STAG1: variants seen among roughly 807,000 people sequenced by gnomAD.
STAG1 encodes STAG1 cohesin complex component.
STAG1 carries 26 observed loss-of-function variants against 170.9 expected under a neutral mutation model. That is an observed-to-expected ratio of 0.15 (90% CI 0.11 to 0.21). The LOEUF is 0.21. STAG1 is among the 10% of genes least tolerant of loss of function. The pLI is 1.00. For missense variants in STAG1, 964 were observed against 1,509.5 expected (o/e 0.64, Z 5.99); for synonymous variants, 514 against 497.7 (o/e 1.03, Z -0.44).
In STAG1 at chr3:136,609,969, A is replaced by T. The variant is rs567777994; in HGVS notation, c.133-5496T>A. ...TTATAGTCCTGAATTTAAAAAAAAA[A>T]TTTTGCATTTTAATGTCTTGGATAT... On this transcript the variant is annotated intron_variant, in intron 3 of 33. Transcript: ENST00000383202. Among the ~76,000 whole-genome samples, 19 of 152,190 alleles carry T rather than the reference A, an allele frequency of 1.2e-4. No homozygotes were observed. In the East Asian group the frequency reaches 1.7e-3, roughly 14 times the overall value.
chr3:136,717,161 T>C (rs1269217906), intron 1 of STAG1, among the ~76,000 whole-genome samples: 1 of 149,802 alleles, frequency 6.7e-6, no homozygotes, highest in Non-Finnish European at 1.5e-5. Flanking sequence ...CAACACCTAT[T>C]CCCACCACCA....
intron 28 of STAG1, among the ~76,000 whole-genome samples, chr3:136,350,779 G>C (rs1450371208): frequency 6.6e-6 from 1 of 152,150 alleles, no homozygotes; most frequent in Non-Finnish European, 1.5e-5. Context: ...TGTTTATTTG[G>C]AATGAAATGT....
intron 4 of STAG1, among the ~76,000 whole-genome samples, chr3:136,582,927 A>G (rs1937623963): frequency 6.6e-6 from 1 of 152,248 alleles, no homozygotes; most frequent in Admixed American, 6.5e-5. Context: ...AAAAGAATCA[A>G]AAAAAGGTTA....
chr3:136,436,691 A>G (rs1447229632), intron 15 of STAG1, among the ~76,000 whole-genome samples: 6 of 152,228 alleles, frequency 3.9e-5, no homozygotes, highest in Admixed American at 3.9e-4. Context: ...ACACAGAACT[A>G]GGTATAAATT....
chr3:136,744,210 C>T (rs925726782), intron 1 of STAG1, among the ~76,000 whole-genome samples: 1 of 152,170 alleles, frequency 6.6e-6, no homozygotes, highest in African/African-American at 2.4e-5. Context: ...CCCTGTAATT[C>T]CAGCTACTCG....
intron 2 of STAG1, among the ~76,000 whole-genome samples, chr3:136,629,822 T>C (rs964374819): frequency 6.6e-6 from 1 of 152,204 alleles, no homozygotes; most frequent in African/African-American, 2.4e-5. Context: ...GTATGCAGAT[T>C]CCCGACTTGC....
At chr3:136,391,311 A>C (rs2087002569) in intron 22 of STAG1, among the ~76,000 whole-genome samples, 1 of 152,048 alleles carries the variant, frequency 6.6e-6, no homozygotes, top group Admixed American at 6.6e-5. Flanking sequence ...GAAAAAAAAT[A>C]AGGATAAATT....
intron 7 of STAG1, among the ~76,000 whole-genome samples, chr3:136,517,332 T>A (rs1185802541): frequency 6.6e-6 from 1 of 152,178 alleles, no homozygotes; most frequent in Non-Finnish European, 1.5e-5. Context: ...AATTAGAACT[T>A]TAGAAGTCAG....
intron 5 of STAG1, among the ~76,000 whole-genome samples, chr3:136,559,367 A>G (rs991887078): frequency 6.6e-6 from 1 of 152,212 alleles, no homozygotes; most frequent in East Asian, 1.9e-4. Flanking sequence ...TAGAGACATG[A>G]AACAAGAAAA....
intron 9 of STAG1, among the ~76,000 whole-genome samples, chr3:136,498,233 T>TATACACACAC: frequency 1.7e-5 from 1 of 57,512 alleles, no homozygotes; most frequent in Non-Finnish European, 2.8e-5. Flanking sequence ...TATATATATA[T>TATACACACAC]ACACATACAT....
At chr3:136,625,734 C>G (rs995339096) in intron 2 of STAG1, among the ~76,000 whole-genome samples, 3 of 152,164 alleles carry the variant, frequency 2.0e-5, no homozygotes, top group Non-Finnish European at 4.4e-5. Flanking sequence ...ATCACCACTC[C>G]CCATGATAAT....
chr3:136,659,574 T>C (rs1401637392), intron 1 of STAG1, among the ~76,000 whole-genome samples: 1 of 152,196 alleles, frequency 6.6e-6, no homozygotes, highest in Non-Finnish European at 1.5e-5. Flanking sequence ...CACAGCACAT[T>C]ATCCAAATGA....
At chr3:136,724,161 A>AG (rs1487739132) in intron 1 of STAG1, among the ~76,000 whole-genome samples, 3 of 150,406 alleles carry the variant, frequency 2.0e-5, no homozygotes, top group Admixed American at 6.6e-5. Context: ...GGAATAGAGG[A>AG]GGGGAGAAAG....
At chr3:136,736,500 C>T (rs1365224039) in intron 1 of STAG1, 16 of 1,388,396 alleles carry the variant, frequency 1.2e-5, no homozygotes, top group African/African-American at 5.7e-5. Flanking sequence ...TGGTCATTCA[C>T]GCTGCTCCAT....
chr3:136,357,678 G>C (rs777660811), intron 28 of STAG1, 42 bp downstream of exon 28: 2 of 1,509,874 alleles, frequency 1.3e-6, no homozygotes, highest in East Asian at 2.3e-5. Flanking sequence ...ATTTACAACA[G>C]TATTATTATA....
rs146397393 is a variant in STAG1 at position 136,741,582 on chromosome 3, C to T, written c.-84+10613G>A. The stretch of plus-strand genomic sequence containing the variant: ...CTCCCGGGTTCAAGCGATTCTCCTG[C>T]CTCAGCCTTTTAAGTAGCTGGGATT... On this transcript the variant is annotated intron_variant, in intron 1 of 33. Transcript: ENST00000383202. 3.3e-5 allele frequency among the ~76,000 whole-genome samples: 5 copies of T among 152,284 alleles called. No individual in the cohort carries two copies. The East Asian group carries it at 7.7e-4, about 23-fold the overall frequency.
intron 22 of STAG1, among the ~76,000 whole-genome samples, chr3:136,379,852 T>C (rs544581516): frequency 3.3e-5 from 5 of 152,284 alleles, no homozygotes; most frequent in Admixed American, 2.0e-4. Context: ...ATTTAAAATA[T>C]CACGTTAAAT....
At chr3:136,615,424 CAAAAAAAA>C (rs35713077) in intron 3 of STAG1, among the ~76,000 whole-genome samples, 4 of 33,252 alleles carry the variant, frequency 1.2e-4, no homozygotes, top group Admixed American at 5.1e-4. Context: ...AGACTTTGTC[CAAAAAAAA>C]AAAAAAAAAA....
intron 16 of STAG1, among the ~76,000 whole-genome samples, chr3:136,431,168 T>C (rs1041029668): frequency 6.6e-6 from 1 of 152,088 alleles, no homozygotes; most frequent in African/African-American, 2.4e-5. Context: ...CCTCCCAAAG[T>C]GACAGGACTG....
Sources: allele counts gnomAD v4.1 joint callset (sites outside exome capture counted in the v4.1 genomes callset), GRCh38; gene constraint gnomAD v4.1.1; transcripts MANE v1.5; gene names NCBI Gene and HGNC (gene_info 2026-07-23, HGNC 2026-07-21).